The following TAFA2 variants were observed in gnomAD, a reference collection of about 807,000 sequenced individuals.
TAFA2 encodes the protein chemokine-like protein TAFA-2.
Under a neutral mutation model 18.8 loss-of-function variants are expected in TAFA2, and 7 were observed. That is an observed-to-expected ratio of 0.37 (90% CI 0.21 to 0.70). The LOEUF is 0.70. Ranked by LOEUF, TAFA2 falls within the 30% of genes least tolerant of loss-of-function variation. TAFA2 has a pLI of 0.53. For synonymous variants in TAFA2, 60 were observed against 54.2 expected (o/e 1.11, Z -0.47); for missense variants, 122 against 158.1 (o/e 0.77, Z 1.23).
At chr12:62,046,497 G>A (rs1458200741) in intron 1 of TAFA2, among the ~76,000 whole-genome samples, 1 of 151,952 alleles carries the variant, frequency 6.6e-6, no homozygotes, top group East Asian at 1.9e-4. Flanking sequence ...GGATTTTGGT[G>A]TATTATTATG....
At chr12:62,241,631 A>C (rs183892669) in intron 1 of TAFA2, among the ~76,000 whole-genome samples, 221 of 152,358 alleles carry the variant, frequency 1.5e-3, no homozygotes, top group African/African-American at 5.2e-3. Context: ...AGGGACTTAC[A>C]GATTGTAGGC....
chr12:62,159,617 T>A (rs2062392909), intron 1 of TAFA2, among the ~76,000 whole-genome samples: 1 of 152,144 alleles, frequency 6.6e-6, no homozygotes, highest in Non-Finnish European at 1.5e-5. Context: ...GAAATTCTTT[T>A]TCTATTTTGT....
intron 1 of TAFA2, among the ~76,000 whole-genome samples, chr12:62,227,017 A>C (rs2062789821): frequency 6.6e-6 from 1 of 152,194 alleles, no homozygotes; most frequent in South Asian, 2.1e-4. Context: ...CACCCTGCTT[A>C]AAATCCATCA....
chr12:62,093,836 T>C (rs1041186239), intron 1 of TAFA2, among the ~76,000 whole-genome samples: 36 of 151,986 alleles, frequency 2.4e-4, no homozygotes, highest in Non-Finnish European at 4.3e-4. Flanking sequence ...CAGATAATGA[T>C]AAAATTGAGT....
At chr12:61,882,216 A>G (rs1875177595) in intron 1 of TAFA2, among the ~76,000 whole-genome samples, 1 of 152,180 alleles carries the variant, frequency 6.6e-6, no homozygotes, top group South Asian at 2.1e-4. Context: ...TCTACTCTAC[A>G]CTTTAGCAGT....
rs141314435 is a variant in TAFA2 at position 62,179,002 on chromosome 12, G to A, written c.-2+12257C>T. ...GTTTCCTTACCTGAAATTGAGGATC[G>A]CACTCATTTCTAACTCACAGCCATT... On this transcript the variant is annotated intron_variant, in intron 1 of 4. Coordinates refer to ENST00000416284, the MANE Select transcript of TAFA2 (RefSeq NM_178539.5). Among the ~76,000 whole-genome samples, 487 of 152,154 alleles carry A rather than the reference G, an allele frequency of 3.2e-3. 1 individual carries two copies. The highest frequency in any genetic ancestry group is 0.011 in the African/African-American group (436 of 41,488).
At chr12:61,921,679 G>A (rs1418193910) in intron 1 of TAFA2, among the ~76,000 whole-genome samples, 1 of 152,018 alleles carries the variant, frequency 6.6e-6, no homozygotes, top group Non-Finnish European at 1.5e-5. Flanking sequence ...TAAAGTAACT[G>A]GATACATAAA....
intron 1 of TAFA2, among the ~76,000 whole-genome samples, chr12:62,134,737 A>G (rs1050623198): frequency 6.6e-6 from 1 of 152,042 alleles, no homozygotes; most frequent in African/African-American, 2.4e-5. Context: ...AACACCTAGC[A>G]TATAATTGTC....
At chr12:61,876,537 A>G (rs951102153) in intron 1 of TAFA2, among the ~76,000 whole-genome samples, 2 of 152,170 alleles carry the variant, frequency 1.3e-5, no homozygotes, top group Non-Finnish European at 2.9e-5. Context: ...CCAGCAAACC[A>G]TTAAAACATG....
At chr12:61,843,429 A>C (rs1873272499) in intron 2 of TAFA2, among the ~76,000 whole-genome samples, 1 of 152,060 alleles carries the variant, frequency 6.6e-6, no homozygotes, top group African/African-American at 2.4e-5. Flanking sequence ...TCGGAACACT[A>C]TTTACCATTT....
rs1182466592 is a variant in TAFA2, at chr12:61,904,777, AT to A, written c.-1-37352del. On this transcript the variant is annotated intron_variant, in intron 1 of 4. Coordinates refer to ENST00000416284, the MANE Select transcript of TAFA2 (RefSeq NM_178539.5). ...CCTCATTCGGTCCCACTGGAAAAAA[AT>A]CATACTCTAATTATTGATTTGGGCA... 3.9e-5 allele frequency among the ~76,000 whole-genome samples: 6 copies of A among 152,198 alleles called. 1 individual carries two copies. Among genetic ancestry groups the A allele is most frequent in the African/African-American group, 1.2e-4 (5 of 41,450 alleles).
chr12:62,211,538 C>G (rs2062714291), intron 1 of TAFA2, among the ~76,000 whole-genome samples: 1 of 150,424 alleles, frequency 6.6e-6, no homozygotes, highest in African/African-American at 2.5e-5. Context: ...CAAGATTGTG[C>G]TGCTGCACTC....
At chr12:61,756,242 C>A (rs889273522) in intron 2 of TAFA2, among the ~76,000 whole-genome samples, 3 of 152,052 alleles carry the variant, frequency 2.0e-5, no homozygotes, top group African/African-American at 7.2e-5. Flanking sequence ...ACAGCTTTGA[C>A]ATATAATCCT....
At chr12:61,856,719 A>G (rs1873900555) in intron 2 of TAFA2, among the ~76,000 whole-genome samples, 1 of 151,982 alleles carries the variant, frequency 6.6e-6, no homozygotes, top group African/African-American at 2.4e-5. Flanking sequence ...TTGTCAAAAC[A>G]TAGTAACATT....
chr12:62,128,876 TA>T (rs1459935330), intron 1 of TAFA2, among the ~76,000 whole-genome samples: 4 of 152,104 alleles, frequency 2.6e-5, no homozygotes, highest in Non-Finnish European at 5.9e-5. Flanking sequence ...TGTATAGTTG[TA>T]AATACGATAC....
chr12:61,769,203 G>A lies in TAFA2; in HGVS notation c.107-14179C>T, dbSNP rs1368940975. The stretch of plus-strand genomic sequence containing the variant: ...GCTGCAGTAAGACCCACCAAAGGAG[G>A]GTCTGAGCTCAGACATACCTAACCC... On this transcript the variant is annotated intron_variant, in intron 2 of 4. Transcript: ENST00000416284. Among the ~76,000 whole-genome samples the A allele has an allele frequency of 2.6e-5, 4 of 151,898 alleles. No homozygotes were observed. The East Asian group carries it at 7.8e-4, about 30-fold the overall frequency.
At chr12:62,116,765 G>C (rs1869980347) in intron 1 of TAFA2, among the ~76,000 whole-genome samples, 1 of 152,160 alleles carries the variant, frequency 6.6e-6, no homozygotes, top group Admixed American at 6.5e-5. Context: ...AACAGAAATG[G>C]AGGTTGTAAT....
intron 1 of TAFA2, among the ~76,000 whole-genome samples, chr12:62,202,575 G>A (rs2062675891): frequency 6.6e-6 from 1 of 151,928 alleles, no homozygotes; most frequent in African/African-American, 2.4e-5. Context: ...ACCTGCTTTG[G>A]CCTCCCAAAG....
At chr12:61,912,145 G>A (rs904059039) in intron 1 of TAFA2, among the ~76,000 whole-genome samples, 14 of 152,260 alleles carry the variant, frequency 9.2e-5, no homozygotes, top group Middle Eastern at 3.4e-3. Context: ...AGAATTCCAA[G>A]GTTCAGCAAG....
Sources: gnomAD v4.1 joint callset for allele counts (sites outside exome capture counted in the v4.1 genomes callset) on GRCh38, gnomAD v4.1.1 for gene constraint, MANE v1.5 for transcripts, NCBI Gene and HGNC (gene_info 2026-07-23, HGNC 2026-07-21) for gene names.